Variants in RBFOX1 observed in about 807,000 individuals in gnomAD.
RBFOX1 encodes RNA binding fox-1 homolog 1.
In RBFOX1, 8 loss-of-function variants were observed where a neutral mutation model predicts 57.7. That is an observed-to-expected ratio of 0.14 (90% CI 0.08 to 0.25). RBFOX1 has a LOEUF of 0.25. RBFOX1 is among the 10% of genes least tolerant of loss of function. RBFOX1 has a pLI of 1.00. For missense variants in RBFOX1, 611 were observed against 548.5 expected (o/e 1.11, Z -1.14); for synonymous variants, 326 against 222.4 (o/e 1.47, Z -4.15).
chr16:6,656,916 C>T (rs1263193468), intron 3 of RBFOX1, among the ~76,000 whole-genome samples: 27 of 111,126 alleles, frequency 2.4e-4, no homozygotes, highest in East Asian at 7.1e-4. Context: ...TCCTCTCCTC[C>T]CCTCTCCTCT....
chr16:7,615,542 G>C (rs900501438), intron 10 of RBFOX1, among the ~76,000 whole-genome samples: 6 of 152,076 alleles, frequency 3.9e-5, no homozygotes, highest in Admixed American at 2.0e-4. Context: ...TTAAGGAGTA[G>C]GGCCAAAGCT....
chr16:6,379,226 A>G (rs1223703129), intron 2 of RBFOX1, among the ~76,000 whole-genome samples: 3 of 152,170 alleles, frequency 2.0e-5, no homozygotes, highest in African/African-American at 4.8e-5. Flanking sequence ...GCAGGTCTGC[A>G]TCAAATGGAG....
intron 4 of RBFOX1, among the ~76,000 whole-genome samples, chr16:7,216,692 C>A (rs1329473054): frequency 6.6e-6 from 1 of 151,894 alleles, no homozygotes; most frequent in Non-Finnish European, 1.5e-5. Flanking sequence ...ACAAACAAAC[C>A]GAGACAATGA....
chr16:6,010,017 G>C (rs760045049), intron 4 of RBFOX1, among the ~76,000 whole-genome samples: 3 of 152,158 alleles, frequency 2.0e-5, no homozygotes, highest in African/African-American at 7.2e-5. Flanking sequence ...GATGAGGAGA[G>C]ATACTGGGGT....
chr16:5,831,914 G>C (rs2056288721), intron 3 of RBFOX1, among the ~76,000 whole-genome samples: 1 of 152,158 alleles, frequency 6.6e-6, no homozygotes. Flanking sequence ...AGTTTCTACT[G>C]CCTGAAATAG....
intron 4 of RBFOX1, among the ~76,000 whole-genome samples, chr16:5,937,649 A>G (rs1371383415): frequency 4.0e-5 from 6 of 150,176 alleles, no homozygotes; most frequent in Non-Finnish European, 8.9e-5. Context: ...TTATATATAT[A>G]GCTACATATA....
chr16:5,857,290 A>G (rs2057095941), intron 3 of RBFOX1, among the ~76,000 whole-genome samples: 1 of 152,170 alleles, frequency 6.6e-6, no homozygotes, highest in African/African-American at 2.4e-5. Context: ...AACAATTACA[A>G]TAGCAGTATC....
intron 14 of RBFOX1, among the ~76,000 whole-genome samples, chr16:7,703,163 G>C (rs2081322126): frequency 6.6e-6 from 1 of 152,174 alleles, no homozygotes; most frequent in Admixed American, 6.5e-5. Context: ...CGACTTGCAT[G>C]GATTCATTTT....
chr16:7,709,889 C>T (rs1568617069), intron 15 of RBFOX1: 2 of 1,089,524 alleles, frequency 1.8e-6, no homozygotes, highest in Non-Finnish European at 1.1e-6. Flanking sequence ...CATTACAAAG[C>T]TTTGGCATGC....
chr16:7,710,206 C>T (rs1434806730), intron 15 of RBFOX1: 4 of 1,030,610 alleles, frequency 3.9e-6, no homozygotes, highest in African/African-American at 1.7e-5. Flanking sequence ...TTGAGATTTT[C>T]ATCCCAATTC....
chr16:6,870,925 T>C (rs556701677), intron 3 of RBFOX1, among the ~76,000 whole-genome samples: 3 of 152,318 alleles, frequency 2.0e-5, no homozygotes, highest in South Asian at 2.1e-4. Context: ...AATCAGACTT[T>C]TTCCATTTCT....
intron 4 of RBFOX1, among the ~76,000 whole-genome samples, chr16:7,416,161 C>T (rs1403426496): frequency 6.6e-6 from 1 of 152,158 alleles, no homozygotes; most frequent in Non-Finnish European, 1.5e-5. Context: ...TGATGAGCTC[C>T]ATTCAGCAGT....
At chr16:6,237,065 G>C (rs1326741815) in intron 1 of RBFOX1, among the ~76,000 whole-genome samples, 5 of 152,154 alleles carry the variant, frequency 3.3e-5, no homozygotes, top group Non-Finnish European at 7.3e-5. Context: ...GCAAAATGGA[G>C]TGTCTAAGGA....
chr16:6,927,890 A>G (rs1004778010), intron 3 of RBFOX1, among the ~76,000 whole-genome samples: 1 of 152,350 alleles, frequency 6.6e-6, no homozygotes, highest in Non-Finnish European at 1.5e-5. Context: ...CTAATAGCAT[A>G]CGCTAAACAT....
At chr16:6,499,825 G>C (rs750145458) in intron 2 of RBFOX1, among the ~76,000 whole-genome samples, 1 of 152,186 alleles carries the variant, frequency 6.6e-6, no homozygotes, top group African/African-American at 2.4e-5. Flanking sequence ...GCGGGTAATC[G>C]ATACCTCCTC....
intron 2 of RBFOX1, among the ~76,000 whole-genome samples, chr16:6,555,129 A>G (rs948290716): frequency 1.3e-5 from 2 of 152,162 alleles, no homozygotes; most frequent in Admixed American, 6.5e-5. Flanking sequence ...TATGTCTCAT[A>G]CTTTTTATGT....
intron 10 of RBFOX1, among the ~76,000 whole-genome samples, chr16:7,607,797 G>A (rs2056630351): frequency 1.3e-5 from 2 of 152,166 alleles, no homozygotes; most frequent in Admixed American, 6.5e-5. Flanking sequence ...GCCAAGGGAA[G>A]GCCTTTTTCG....
In RBFOX1 at chr16:5,689,410, G is replaced by A. The variant is rs139699718; in HGVS notation, c.318+90449G>A. ...TGGTAAATGGTAACTATGATTGTGG[G>A]AGTTGTAAATTTGGTGATGAGGGTG... On this transcript the variant is annotated intron_variant, in intron 3 of 19. Transcript: ENST00000641259. Among the ~76,000 whole-genome samples, 528 of 152,322 alleles carry A rather than the reference G, an allele frequency of 3.5e-3. 1 individual carries two copies. The highest frequency in any genetic ancestry group is 9.3e-3 in the Admixed American group (142 of 15,300).
intron 4 of RBFOX1, among the ~76,000 whole-genome samples, chr16:7,348,331 A>G (rs142570182): frequency 5.7e-4 from 87 of 152,312 alleles, no homozygotes; most frequent in African/African-American, 1.9e-3. Flanking sequence ...CGTATTCACA[A>G]AGATTTGTAA....
Sources: allele counts gnomAD v4.1 joint callset (sites outside exome capture counted in the v4.1 genomes callset), GRCh38; gene constraint gnomAD v4.1.1; transcripts MANE v1.5; gene names NCBI Gene and HGNC (gene_info 2026-07-23, HGNC 2026-07-21).